Variants in HSD17B13 observed in about 807,000 individuals in gnomAD.
The protein encoded by HSD17B13 is 17-beta-hydroxysteroid dehydrogenase 13.
HSD17B13 carries 26 observed loss-of-function variants against 31.1 expected under a neutral mutation model. The observed-to-expected ratio is 0.84, with a 90% CI of 0.61 to 1.16. The LOEUF (loss-of-function observed/expected upper bound fraction) is 1.16, where lower values mean the gene tolerates loss of function less well. Among genes scored for constraint, HSD17B13 ranks in the 50% most tolerant of loss-of-function variants. HSD17B13 has a pLI of 0.00. For missense variants in HSD17B13, 374 were observed against 366.5 expected, an observed-to-expected ratio of 1.02 and a Z score of -0.17; for synonymous variants, 141 against 133.7, an observed-to-expected ratio of 1.05 and a Z score of -0.38.
At chr4:87,317,784 T>G (rs1734689491) in intron 2 of HSD17B13, among the ~76,000 whole-genome samples, 1 of 151,924 alleles carries the variant, frequency 6.6e-6, no homozygotes, top group East Asian at 1.9e-4. Context: ...CCTCTCTGAG[T>G]CATAATTTGC....
chr4:87,314,349 C>A (rs1311562869), intron 4 of HSD17B13, among the ~76,000 whole-genome samples: 1 of 151,998 alleles, frequency 6.6e-6, no homozygotes, highest in African/African-American at 2.4e-5. Context: ...AAACTGGTAT[C>A]TGTGTTGACA....
chr4:87,305,365 G>A (rs1170194907), intron 6 of HSD17B13, 57 bp from the exon 7 acceptor site: 9 of 1,195,924 alleles, frequency 7.5e-6, no homozygotes, highest in Non-Finnish European at 9.3e-6. Context: ...TTTGACAACA[G>A]AGTTCTGTTT....
At chr4:87,318,219 C>T (rs566508816) in intron 2 of HSD17B13, 110 bp downstream of exon 2, 1 of 772,894 alleles carries the variant, frequency 1.3e-6, no homozygotes, top group Admixed American at 2.2e-5. Flanking sequence ...CTTCAGTTAG[C>T]AGCTAAAATC....
At chr4:87,306,561 T>A (rs1247305616) in intron 6 of HSD17B13, among the ~76,000 whole-genome samples, 2 of 152,040 alleles carry the variant, frequency 1.3e-5, no homozygotes, top group Non-Finnish European at 2.9e-5. Flanking sequence ...GGAGGAAAGC[T>A]TCAAAAGGAC....
At chr4:87,322,280 C>G (rs954351141) in intron 1 of HSD17B13, among the ~76,000 whole-genome samples, 1 of 152,188 alleles carries the variant, frequency 6.6e-6, no homozygotes, top group African/African-American at 2.4e-5. Flanking sequence ...TTGTTTGTAG[C>G]TGTAATTTTC....
chr4:87,306,167 C>T (rs141945688), intron 6 of HSD17B13, among the ~76,000 whole-genome samples: 5 of 152,146 alleles, frequency 3.3e-5, no homozygotes, highest in Admixed American at 1.3e-4. Flanking sequence ...TTGTAATATT[C>T]ATAGTTCAAA....
chr4:87,307,126 G>T (rs1734407815), intron 6 of HSD17B13, among the ~76,000 whole-genome samples: 1 of 151,892 alleles, frequency 6.6e-6, no homozygotes, highest in Admixed American at 6.6e-5. Context: ...TAAGAAGAGA[G>T]CTCATGTGGG....
chr4:87,321,422 C>T (rs1324653285), intron 1 of HSD17B13, among the ~76,000 whole-genome samples: 1 of 152,168 alleles, frequency 6.6e-6, no homozygotes, highest in African/African-American at 2.4e-5. Flanking sequence ...AAATATAGCC[C>T]TTTCCCCAAA....
chr4:87,313,774 T>A (rs775983018), intron 5 of HSD17B13, 49 bp downstream of exon 5: 1 of 1,510,388 alleles, frequency 6.6e-7, no homozygotes, highest in Non-Finnish European at 9.0e-7. Flanking sequence ...TTAGTTTTCA[T>A]ATCAATTTAT....
chr4:87,312,508 ACC>A (rs1734551099), intron 5 of HSD17B13, among the ~76,000 whole-genome samples: 1 of 120,622 alleles, frequency 8.3e-6, no homozygotes, highest in Non-Finnish European at 1.8e-5. Flanking sequence ...TAAAATTAAC[ACC>A]TTTAATTCTT....
In HSD17B13 at chr4:87,313,870, G is replaced by C; in HGVS notation, c.648C>G (p.Leu216=). The change falls in exon 5 of 7, where the codon CTC becomes CTG. Residue 216 remains leucine (L), a synonymous_variant. Transcript: ENST00000328546. ...ACCCAGTATTCACAAAAACTGGGCA[G>C]AGACATGAGGTTTTGATACCAGTTT... ...LGKTGIKTSC[L]CPVFVNTGFT... is the part of the protein sequence containing the mutation. 1 of 1,612,318 alleles carries C rather than the reference G, an allele frequency of 6.2e-7. No homozygotes were observed. Among genetic ancestry groups the C allele is most frequent in the Non-Finnish European group, 8.5e-7 (1 of 1,179,246 alleles).
intron 2 of HSD17B13, among the ~76,000 whole-genome samples, 173 bp from the exon 3 acceptor site, chr4:87,317,396 G>A (rs1187614611): frequency 2.0e-5 from 3 of 151,998 alleles, no homozygotes; most frequent in Non-Finnish European, 2.9e-5. Flanking sequence ...CTGTCATAAA[G>A]GTGGGATAAA....
At chr4:87,319,725 G>A (rs76811699) in intron 1 of HSD17B13, among the ~76,000 whole-genome samples, 2,086 of 152,340 alleles carry the variant, frequency 0.014, 50 homozygotes, top group African/African-American at 0.049. Flanking sequence ...GTTTGGGAGT[G>A]AGATGGGCAA....
intron 1 of HSD17B13, among the ~76,000 whole-genome samples, chr4:87,319,178 T>C (rs988439640): frequency 5.3e-5 from 8 of 152,208 alleles, no homozygotes; most frequent in African/African-American, 1.9e-4. Context: ...TGGGACTTCG[T>C]CTCAAAATAA....
At chr4:87,318,303 A>G in intron 2 of HSD17B13, 26 bp downstream of exon 2, 4 of 1,533,912 alleles carry the variant, frequency 2.6e-6, no homozygotes, top group Non-Finnish European at 9.0e-7. Context: ...AATAATCTGA[A>G]GAAATTTGTG....
intron 1 of HSD17B13, among the ~76,000 whole-genome samples, chr4:87,322,097 C>T (rs1219736744): frequency 2.0e-5 from 3 of 152,126 alleles, no homozygotes; most frequent in Non-Finnish European, 4.4e-5. Context: ...TATCATGTGC[C>T]ACGTATCGTT....
chr4:87,318,441 A>T lies in HSD17B13; in HGVS notation c.211-5T>A, dbSNP rs1051138690. On this transcript the variant is annotated splice_region_variant and splice_polypyrimidine_tract_variant and intron_variant, in intron 1 of 6. Transcript: ENST00000328546. ...TGCAGTTTCCTCCACACCGCGCTGTAATTAGGAAGAAACAAATTCCGAAAA... is the reference window on the plus strand; with the variant it reads ...TGCAGTTTCCTCCACACCGCGCTGTTATTAGGAAGAAACAAATTCCGAAAA... The T allele has an allele frequency of 6.2e-7, 1 of 1,612,796 alleles. No individual in the cohort carries two copies. The highest frequency in any genetic ancestry group is 8.5e-7 in the Non-Finnish European group (1 of 1,178,892).
rs1293911070 is a variant in HSD17B13, at chr4:87,304,219, G to A, written c.*999C>T. ...AGCTACTCAGGAGGCTGAGGCAGGA[G>A]AATGGCGTGAACCCGGGAGGTGGAG... On this transcript the variant is annotated 3_prime_UTR_variant, in exon 7 of 7. Coordinates refer to ENST00000328546, the MANE Select transcript of HSD17B13 (RefSeq NM_178135.5). The A allele has an allele frequency of 6.6e-6, 1 of 152,214 alleles. No homozygotes were observed. Among genetic ancestry groups the A allele is most frequent in the Non-Finnish European group, 1.5e-5 (1 of 68,084 alleles). The allele number at this position is 152,214 out of a possible 1,614,324, so 9.4% of individuals were successfully genotyped here. A position where few individuals can be genotyped will look rare whatever the true frequency, so the allele number is the denominator to read the frequency against.
intron 1 of HSD17B13, among the ~76,000 whole-genome samples, chr4:87,319,074 C>T (rs1190389907): frequency 1.3e-5 from 2 of 152,138 alleles, no homozygotes; most frequent in South Asian, 2.1e-4. Flanking sequence ...CCCAGCTACT[C>T]GGGAAGTTTA....
Sources: allele counts gnomAD v4.1 joint callset (sites outside exome capture counted in the v4.1 genomes callset), GRCh38; gene constraint gnomAD v4.1.1; transcripts MANE v1.5; gene names NCBI Gene and HGNC (gene_info 2026-07-23, HGNC 2026-07-21).